Variants in PCSK2 observed in about 807,000 individuals in gnomAD.
PCSK2 encodes proprotein convertase subtilisin/kexin type 2, also known as neuroendocrine convertase 2.
Under a neutral mutation model 69.7 loss-of-function variants are expected in PCSK2, and 14 were observed. The observed-to-expected ratio is 0.20, with a 90% CI of 0.13 to 0.31. The LOEUF (loss-of-function observed/expected upper bound fraction) is 0.31. Among genes scored for constraint, PCSK2 ranks in the 10% least tolerant of loss-of-function variants. The probability of loss-of-function intolerance (pLI) is 1.00; values close to 1 mark genes in which losing one functional copy is unlikely to be tolerated. For synonymous variants in PCSK2, 307 were observed against 320.7 expected (o/e 0.96, Z 0.46); for missense variants, 544 against 842.5 (o/e 0.65, Z 4.39).
Position 17,325,751 on chromosome 20 carries a change from C to T in PCSK2, c.283-32576C>T, listed in dbSNP as rs1264079320. Among the ~76,000 whole-genome samples the T allele has an allele frequency of 3.3e-5, 5 of 152,356 alleles. No individual in the cohort carries two copies. In the East Asian group the frequency reaches 9.6e-4, roughly 29 times the overall value. On this transcript the variant is annotated intron_variant, in intron 2 of 11. Transcript: ENST00000262545. Reference sequence around the variant, plus strand: ...TTAACTACTAATGGGCTATCCCAGGCATGTTCTTCTCAAGCCACCAGTGGG... The same window carrying T: ...TTAACTACTAATGGGCTATCCCAGGTATGTTCTTCTCAAGCCACCAGTGGG...
At chr20:17,441,059 C>G (rs541047161) in intron 8 of PCSK2, among the ~76,000 whole-genome samples, 5 of 152,224 alleles carry the variant, frequency 3.3e-5, no homozygotes, top group Admixed American at 3.3e-4. Flanking sequence ...TGCTTCTCCC[C>G]GGTTTCGTGG....
chr20:17,417,326 T>C (rs1330956181), intron 6 of PCSK2, among the ~76,000 whole-genome samples: 1 of 152,234 alleles, frequency 6.6e-6, no homozygotes, highest in Non-Finnish European at 1.5e-5. Flanking sequence ...AAACTCATCA[T>C]TGTCAGCGGT....
At chr20:17,248,812 C>T (rs1442750485) in intron 1 of PCSK2, among the ~76,000 whole-genome samples, 1 of 152,192 alleles carries the variant, frequency 6.6e-6, no homozygotes, top group Non-Finnish European at 1.5e-5. Flanking sequence ...TCATCTCCAT[C>T]AGGAATTCCA....
chr20:17,410,947 A>G (rs926561202), intron 6 of PCSK2, among the ~76,000 whole-genome samples: 9 of 152,222 alleles, frequency 5.9e-5, no homozygotes, highest in Non-Finnish European at 7.3e-5. Context: ...TTCTGTAACT[A>G]GTAGGTACTA....
intron 2 of PCSK2, among the ~76,000 whole-genome samples, chr20:17,307,756 A>C (rs1053124882): frequency 3.9e-5 from 6 of 152,220 alleles, no homozygotes; most frequent in African/African-American, 1.4e-4. Context: ...CAATAAATAA[A>C]AATCTATATA....
chr20:17,415,696 T>C (rs2031983869), intron 6 of PCSK2, among the ~76,000 whole-genome samples: 1 of 152,166 alleles, frequency 6.6e-6, no homozygotes, highest in African/African-American at 2.4e-5. Flanking sequence ...AAAGTTCATA[T>C]TGAACCAAAA....
intron 7 of PCSK2, among the ~76,000 whole-genome samples, chr20:17,430,060 A>G (rs545823663): frequency 5.7e-4 from 87 of 152,346 alleles, no homozygotes; most frequent in Non-Finnish European, 1.0e-3. Flanking sequence ...TGTTTTGCAC[A>G]ATGGAACTCA....
chr20:17,350,909 G>A (rs1600513538), intron 2 of PCSK2, among the ~76,000 whole-genome samples: 6 of 152,146 alleles, frequency 3.9e-5, no homozygotes, highest in Admixed American at 2.6e-4. Context: ...GCATGGTGGC[G>A]AATGGCTGTA....
At chr20:17,263,396 A>T (rs1987468140) in intron 2 of PCSK2, among the ~76,000 whole-genome samples, 2 of 152,228 alleles carry the variant, frequency 1.3e-5, no homozygotes, top group African/African-American at 4.8e-5. Context: ...CTGCTAAAAG[A>T]TTAGCTGACT....
chr20:17,362,197 G>A (rs912293554), intron 4 of PCSK2, among the ~76,000 whole-genome samples: 1 of 152,176 alleles, frequency 6.6e-6, no homozygotes, highest in Non-Finnish European at 1.5e-5. Flanking sequence ...CACATGCAAA[G>A]GCAAGCCCTT....
At chr20:17,322,136 CA>C (rs1297568939) in intron 2 of PCSK2, among the ~76,000 whole-genome samples, 1 of 152,130 alleles carries the variant, frequency 6.6e-6, no homozygotes, top group African/African-American at 2.4e-5. Flanking sequence ...GTTGATCAAG[CA>C]AAGCTTATCA....
chr20:17,372,169 G>A (rs866295155), intron 5 of PCSK2, among the ~76,000 whole-genome samples: 7 of 152,140 alleles, frequency 4.6e-5, no homozygotes, highest in Non-Finnish European at 5.9e-5. Flanking sequence ...CACGAGGTCA[G>A]GAGATTGAGA....
chr20:17,474,005 C>G (rs1460295372), intron 11 of PCSK2, among the ~76,000 whole-genome samples: 1 of 152,138 alleles, frequency 6.6e-6, no homozygotes, highest in Non-Finnish European at 1.5e-5. Context: ...AAGAGTTGTT[C>G]TAGTGCTGGG....
chr20:17,277,447 T>A (rs1393771884), intron 2 of PCSK2, among the ~76,000 whole-genome samples: 5 of 152,128 alleles, frequency 3.3e-5, no homozygotes, highest in African/African-American at 1.2e-4. Flanking sequence ...TTGACAAACC[T>A]GACAAAAACA....
At chr20:17,463,449 T>C (rs1031293038) in intron 10 of PCSK2, 2 of 152,160 alleles carry the variant, frequency 1.3e-5, no homozygotes. Flanking sequence ...CCAAGACATG[T>C]TCTGAATCTC....
At chr20:17,400,702 C>T (rs529849312) in intron 5 of PCSK2, among the ~76,000 whole-genome samples, 3 of 152,316 alleles carry the variant, frequency 2.0e-5, no homozygotes, top group South Asian at 4.1e-4. Context: ...TGTGCTTCTT[C>T]TCAGAACTAC....
At chr20:17,408,407 C>T (rs1050322916) in intron 5 of PCSK2, among the ~76,000 whole-genome samples, 1 of 151,410 alleles carries the variant, frequency 6.6e-6, no homozygotes, top group Non-Finnish European at 1.5e-5. Context: ...AAAAAAAAAA[C>T]CCACAAAATT....
At chr20:17,424,941 T>C (rs1292289452) in intron 6 of PCSK2, among the ~76,000 whole-genome samples, 3 of 151,978 alleles carry the variant, frequency 2.0e-5, no homozygotes, top group Non-Finnish European at 4.4e-5. Context: ...CAGGCCACCA[T>C]ACCTGGCTAA....
rs895732746 is a variant in PCSK2, at chr20:17,277,414, G to A, written c.282+17070G>A. ...GAACAGAGCCCTCAGAAATAATGCC[G>A]CATGTCTACAACTATCTGATCTTTG... On this transcript the variant is annotated intron_variant, in intron 2 of 11. Coordinates refer to ENST00000262545, the MANE Select transcript of PCSK2 (RefSeq NM_002594.5). 1.6e-3 allele frequency among the ~76,000 whole-genome samples: 239 copies of A among 152,024 alleles called. 1 individual carries two copies. The highest frequency in any genetic ancestry group is 7.1e-3 in the Admixed American group (109 of 15,252).
Sources: allele counts gnomAD v4.1 joint callset (sites outside exome capture counted in the v4.1 genomes callset), GRCh38; gene constraint gnomAD v4.1.1; transcripts MANE v1.5; gene names NCBI Gene and HGNC (gene_info 2026-07-23, HGNC 2026-07-21).